PPHLN1: variants seen among roughly 807,000 people sequenced by gnomAD.
The protein encoded by PPHLN1 is periphilin 1, also known as periphilin-1.
PPHLN1 carries 29 observed loss-of-function variants against 51.3 expected under a neutral mutation model. The observed-to-expected ratio is 0.57, with a 90% CI of 0.42 to 0.77. The LOEUF (loss-of-function observed/expected upper bound fraction) is 0.77, where lower values mean the gene tolerates loss of function less well. Ranked by LOEUF, PPHLN1 falls within the 30% of genes least tolerant of loss-of-function variation. The pLI is 0.00. For missense variants in PPHLN1, 436 were observed against 438.4 expected (o/e 0.99, Z 0.05); for synonymous variants, 147 against 147.8 (o/e 0.99, Z 0.04).
chr12:42,427,144 G>A (rs1406455362), intron 9 of PPHLN1, among the ~76,000 whole-genome samples: 1 of 152,106 alleles, frequency 6.6e-6, no homozygotes, highest in African/African-American at 2.4e-5. Context: ...GCACTTTTCT[G>A]ATAATATTAA....
At chr12:42,374,700 C>G (rs1019208059) in intron 4 of PPHLN1, 163 bp from the exon 5 acceptor site, 1 of 536,844 alleles carries the variant, frequency 1.9e-6, no homozygotes, top group Non-Finnish European at 3.2e-6. Flanking sequence ...GTGATCTGCC[C>G]GTCTCGGCCT....
intron 9 of PPHLN1, among the ~76,000 whole-genome samples, chr12:42,422,002 C>T (rs1475939066): frequency 6.6e-6 from 1 of 152,112 alleles, no homozygotes; most frequent in East Asian, 1.9e-4. Flanking sequence ...TGTGATGTAA[C>T]AGTGCTGTAT....
intron 1 of PPHLN1, among the ~76,000 whole-genome samples, chr12:42,335,542 T>G (rs1233949427): frequency 6.6e-6 from 1 of 152,118 alleles, no homozygotes; most frequent in African/African-American, 2.4e-5. Context: ...CATTAAAAAA[T>G]GAATCGTTTC....
chr12:42,374,994 G>T lies in PPHLN1; in HGVS notation c.431G>T (p.Arg144Ile). ...GGCCGAAAGGATTCTCCACACAGCAGATCTGGTTCCAGTGTCAGTAGCAGA... is the reference window on the plus strand; with the variant it reads ...GGCCGAAAGGATTCTCCACACAGCATATCTGGTTCCAGTGTCAGTAGCAGA... ...PVGRKDSPHS[R>I]SGSSVSSRSY... The change falls in exon 5 of 10, where the codon AGA becomes ATA. Residue 144 changes from arginine (R) to isoleucine (I), a missense_variant. Coordinates refer to ENST00000358314, the MANE Select transcript of PPHLN1 (RefSeq NM_201439.2). 1 of 1,614,018 alleles carries T rather than the reference G, an allele frequency of 6.2e-7. No individual in the cohort carries two copies. Among genetic ancestry groups the T allele is most frequent in the Non-Finnish European group, 8.5e-7 (1 of 1,179,984 alleles).
At position 42,441,593 on chromosome 12, in the gene PPHLN1, A is replaced by AT. The variant is rs1016292649; in HGVS notation, c.*89dup. Reference sequence around the variant, plus strand: ...ATTGTGTAAATCCTTAATATATGGAATTTTTGTGATGCAGAGAAATACTTT... The same window carrying AT: ...ATTGTGTAAATCCTTAATATATGGAATTTTTTGTGATGCAGAGAAATACTTT... On this transcript the variant is annotated 3_prime_UTR_variant, in exon 10 of 10. Transcript: ENST00000358314. 8.7e-6 allele frequency: 12 copies of AT among 1,376,110 alleles called. No homozygotes were observed. The highest frequency in any genetic ancestry group is 1.1e-5 in the Non-Finnish European group (12 of 1,059,776). 85.2% of individuals were successfully genotyped at this position (1,376,110 alleles called of 1,614,324 possible).
downstream of PPHLN1, chr12:42,443,499 CCAGT>C (rs2083120873): frequency 6.6e-6 from 1 of 152,190 alleles, no homozygotes; most frequent in South Asian, 2.1e-4. Flanking sequence ...ATTTTAGAGG[CCAGT>C]CAGTACCTCC....
At chr12:42,368,127 A>G (rs953477396) in intron 4 of PPHLN1, among the ~76,000 whole-genome samples, 17 of 152,180 alleles carry the variant, frequency 1.1e-4, no homozygotes, top group African/African-American at 4.1e-4. Flanking sequence ...ATCTAATTCT[A>G]ATTTTCACCT....
chr12:42,337,127 AT>A (rs2070770723), intron 2 of PPHLN1, among the ~76,000 whole-genome samples: 1 of 152,036 alleles, frequency 6.6e-6, no homozygotes, highest in South Asian at 2.1e-4. Context: ...TTTTATTTAT[AT>A]TTTTTACTTG....
intron 1 of PPHLN1, among the ~76,000 whole-genome samples, chr12:42,330,273 A>G (rs541958374): frequency 5.3e-4 from 81 of 152,260 alleles, no homozygotes; most frequent in African/African-American, 1.9e-3. Flanking sequence ...TTCCAGGGGC[A>G]TGCAGGAGGC....
At chr12:42,349,665 C>T (rs865870079) in intron 2 of PPHLN1, among the ~76,000 whole-genome samples, 1 of 152,110 alleles carries the variant, frequency 6.6e-6, no homozygotes, top group African/African-American at 2.4e-5. Context: ...TTGCACCGCC[C>T]TTAATCCATT....
chr12:42,431,083 A>C (rs1018053724), intron 9 of PPHLN1, among the ~76,000 whole-genome samples: 1 of 152,212 alleles, frequency 6.6e-6, no homozygotes, highest in Non-Finnish European at 1.5e-5. Context: ...CAAACCCTCA[A>C]GGTGGAACAG....
chr12:42,440,178 C>T (rs1486106472), intron 9 of PPHLN1, among the ~76,000 whole-genome samples: 1 of 149,834 alleles, frequency 6.7e-6, no homozygotes, highest in Non-Finnish European at 1.5e-5. Context: ...TTATAGTTTT[C>T]CTCATATAAA....
intron 7 of PPHLN1, among the ~76,000 whole-genome samples, chr12:42,392,969 C>T (rs1592679162): frequency 6.6e-6 from 1 of 152,140 alleles, no homozygotes; most frequent in South Asian, 2.1e-4. Flanking sequence ...AGTCATCTAC[C>T]TAGCAAGTCA....
chr12:42,408,056 C>A (rs896094792), intron 9 of PPHLN1, among the ~76,000 whole-genome samples: 1 of 152,134 alleles, frequency 6.6e-6, no homozygotes, highest in African/African-American at 2.4e-5. Flanking sequence ...GTTTATTATT[C>A]TTTTCAAATA....
chr12:42,445,030 C>T, downstream of PPHLN1: 1 of 702,270 alleles, frequency 1.4e-6, no homozygotes, highest in South Asian at 1.5e-5. Context: ...TCTGCTTACT[C>T]TGTTTATTTA....
intron 4 of PPHLN1, 130 bp downstream of exon 4, chr12:42,355,352 CATT>C (rs2073913891): frequency 1.3e-6 from 1 of 750,200 alleles, no homozygotes; most frequent in South Asian, 1.6e-5. Context: ...AAGCAACAAG[CATT>C]ATATTCTTTT....
At chr12:42,406,211 G>A (rs1037306714) in intron 9 of PPHLN1, among the ~76,000 whole-genome samples, 1 of 150,950 alleles carries the variant, frequency 6.6e-6, no homozygotes, top group African/African-American at 2.4e-5. Context: ...AGCCTCCCGA[G>A]TAGCTGGGAC....
chr12:42,426,172 CCACA>C (rs71084653), intron 9 of PPHLN1, among the ~76,000 whole-genome samples: 4,330 of 122,056 alleles, frequency 0.035, 80 homozygotes, highest in Admixed American at 0.051. Flanking sequence ...AGACTTGACA[CCACA>C]CACACACACA....
intron 2 of PPHLN1, among the ~76,000 whole-genome samples, chr12:42,349,626 C>CT (rs2072915162): frequency 6.6e-6 from 1 of 152,142 alleles, no homozygotes; most frequent in African/African-American, 2.4e-5. Context: ...AGCATGCTGC[C>CT]TTCAGGCATC....
Sources: gnomAD v4.1 joint callset for allele counts (sites outside exome capture counted in the v4.1 genomes callset) on GRCh38, gnomAD v4.1.1 for gene constraint, MANE v1.5 for transcripts, NCBI Gene and HGNC (gene_info 2026-07-23, HGNC 2026-07-21) for gene names.